The following DIPK2A variants were observed in gnomAD, a reference collection of about 807,000 sequenced individuals.
The protein encoded by DIPK2A is divergent protein kinase domain 2A.
A neutral mutation model predicts 39.0 loss-of-function variants in DIPK2A; 27 were observed. That is an observed-to-expected ratio of 0.69 (90% CI 0.51 to 0.96). The LOEUF is 0.96. Ranked by LOEUF, DIPK2A falls within the 40% of genes least tolerant of loss-of-function variation. The probability of loss-of-function intolerance (pLI) is 0.00; values close to 1 mark genes in which losing one functional copy is unlikely to be tolerated. For missense variants in DIPK2A, 528 were observed against 571.3 expected (o/e 0.92, Z 0.77); for synonymous variants, 298 against 240.8 (o/e 1.24, Z -2.20).
chr3:143,981,842 T>A (rs537108765), intron 1 of DIPK2A, among the ~76,000 whole-genome samples: 1 of 152,338 alleles, frequency 6.6e-6, no homozygotes, highest in East Asian at 1.9e-4. Flanking sequence ...CTAAATTTGC[T>A]TCTTACTACC....
At chr3:143,988,893 T>A (rs571522182) in intron 2 of DIPK2A, among the ~76,000 whole-genome samples, 94 of 152,212 alleles carry the variant, frequency 6.2e-4, no homozygotes, top group Non-Finnish European at 1.3e-3. Flanking sequence ...ATGATCTTAA[T>A]CCTTCCAATC....
At chr3:143,985,406 A>G in intron 1 of DIPK2A, 137 bp from the exon 2 acceptor site, 1 of 728,174 alleles carries the variant, frequency 1.4e-6, no homozygotes. Context: ...AAATGAAGTT[A>G]ATCTCTAATA....
intron 2 of DIPK2A, among the ~76,000 whole-genome samples, chr3:143,988,129 G>T (rs149694305): frequency 1.3e-5 from 2 of 151,434 alleles, no homozygotes; most frequent in African/African-American, 2.4e-5. Context: ...TTGAGACAGG[G>T]TCTCTGTCAC....
At chr3:143,989,136 T>C (rs1270696094) in intron 2 of DIPK2A, among the ~76,000 whole-genome samples, 1 of 152,202 alleles carries the variant, frequency 6.6e-6, no homozygotes, top group Non-Finnish European at 1.5e-5. Context: ...TTCAGATTTG[T>C]TTTCTTTTAA....
chr3:143,973,454 C>T, intron 1 of DIPK2A: 1 of 1,551,402 alleles, frequency 6.4e-7, no homozygotes, highest in African/African-American at 1.4e-5. Flanking sequence ...GCTGGCCTAA[C>T]TTCGGTCTCA....
At chr3:143,976,872 A>G (rs900644610) in intron 1 of DIPK2A, among the ~76,000 whole-genome samples, 2 of 152,064 alleles carry the variant, frequency 1.3e-5, no homozygotes, top group African/African-American at 4.8e-5. Context: ...TTCACGTAGT[A>G]TCTGGTAAAT....
chr3:143,976,584 G>GAGGGAGAA (rs3083098), intron 1 of DIPK2A, among the ~76,000 whole-genome samples: 1 of 139,512 alleles, frequency 7.2e-6, no homozygotes, highest in African/African-American at 2.8e-5. Flanking sequence ...GAGAGAGAGA[G>GAGGGAGAA]ATGCTGTCTG....
chr3:143,985,950 C>T (rs890546171), intron 2 of DIPK2A, 104 bp downstream of exon 2: 5 of 841,988 alleles, frequency 5.9e-6, no homozygotes, highest in Middle Eastern at 3.4e-4. Context: ...TAGATGGCAA[C>T]TTTAAGCGTC....
chr3:143,988,242 G>C (rs2087932925), intron 2 of DIPK2A, among the ~76,000 whole-genome samples: 1 of 152,008 alleles, frequency 6.6e-6, no homozygotes, highest in Non-Finnish European at 1.5e-5. Context: ...GGGACTACAG[G>C]CACATACCAC....
chr3:143,973,589 T>A, intron 1 of DIPK2A: 1 of 1,501,974 alleles, frequency 6.7e-7, no homozygotes, highest in Non-Finnish European at 9.1e-7. Context: ...AGCCGAGCTT[T>A]GGGTGGGATT....
In DIPK2A at chr3:143,985,746, C is replaced by T. The variant is rs145853659; in HGVS notation, c.861C>T (p.Asp287=). ...NDFEFALYLL[D]VSFDNFAVGP... Reference sequence around the variant, plus strand: ...TTGAATTTGCACTCTACCTCCTGGACGTCAGCTTTGACAATTTTGCAGTTG... The same window carrying T: ...TTGAATTTGCACTCTACCTCCTGGATGTCAGCTTTGACAATTTTGCAGTTG... Residue 287 remains aspartate, a synonymous_variant, in exon 2 of 3, where the codon GAC becomes GAT. Transcript: ENST00000315691. 274 of 1,613,956 alleles carry T rather than the reference C, an allele frequency of 1.7e-4. No homozygotes were observed. The highest frequency in any genetic ancestry group is 4.8e-5 in the Non-Finnish European group (57 of 1,179,940).
At chr3:143,989,140 C>T (rs2087946495) in intron 2 of DIPK2A, among the ~76,000 whole-genome samples, 1 of 152,138 alleles carries the variant, frequency 6.6e-6, no homozygotes, top group African/African-American at 2.4e-5. Context: ...GATTTGTTTT[C>T]TTTTAAGACC....
At chr3:143,976,685 T>C (rs1219613197) in intron 1 of DIPK2A, among the ~76,000 whole-genome samples, 1 of 151,944 alleles carries the variant, frequency 6.6e-6, no homozygotes, top group East Asian at 1.9e-4. Flanking sequence ...AAGCTCTTTG[T>C]TGTTTAGGGG....
intron 2 of DIPK2A, among the ~76,000 whole-genome samples, chr3:143,986,737 A>G (rs1242854855): frequency 1.3e-5 from 2 of 150,672 alleles, no homozygotes; most frequent in Non-Finnish European, 2.9e-5. Flanking sequence ...AAAAAAAAAA[A>G]AAAAGAAAAT....
At position 143,985,689 on chromosome 3, in the gene DIPK2A, G is replaced by A; in HGVS notation, c.804G>A (p.Met268Ile). 1 of 1,614,134 alleles carries A rather than the reference G, an allele frequency of 6.2e-7. No individual in the cohort carries two copies. Among genetic ancestry groups the A allele is most frequent in the Non-Finnish European group, 8.5e-7 (1 of 1,180,022 alleles). ...GAGTTGACCTCGCTTGGCAATTAAT[G>A]GAAATAGCAGAACAGCTTACAAACA... Reference protein sequence around the residue: ...EKRVDLAWQLMEIAEQLTNND... With the variant: ...EKRVDLAWQLIEIAEQLTNND... Residue 268 changes from methionine (M) to isoleucine (I), a missense_variant, in exon 2 of 3, where the codon ATG becomes ATA. Met to Ile is a conservative substitution (Grantham distance 10, BLOSUM62 1). Around this residue, in one of 2 missense-constraint regions of DIPK2A, gnomAD observed 219 missense variants for 281.5 expected, o/e 0.78. Coordinates refer to ENST00000315691, the MANE Select transcript of DIPK2A (RefSeq NM_173552.5).
chr3:143,984,303 G>C (rs1214646987), intron 1 of DIPK2A, among the ~76,000 whole-genome samples: 1 of 151,938 alleles, frequency 6.6e-6, no homozygotes, highest in African/African-American at 2.4e-5. Context: ...TCACAGCTTG[G>C]CTGTTTGGGT....
Position 143,972,223 on chromosome 3 carries a change from C to G in DIPK2A, c.-110C>G, listed in dbSNP as rs1420024350. 5 of 1,047,464 alleles carry G rather than the reference C, an allele frequency of 4.8e-6. No individual in the cohort carries two copies. In the African/African-American group the frequency reaches 6.8e-5, roughly 14 times the overall value. 64.9% of individuals were successfully genotyped at this position (1,047,464 alleles called of 1,614,324 possible). A position where few individuals can be genotyped will look rare whatever the true frequency, so the allele number is the denominator to read the frequency against. ...ACTCCGCCCTCCGCCCCAGCCCGCG[C>G]GCTAGCTCCTTCTCTCGCCCGGGGT... On this transcript the variant is annotated 5_prime_UTR_variant, in exon 1 of 3. Coordinates refer to ENST00000315691, the MANE Select transcript of DIPK2A (RefSeq NM_173552.5).
chr3:143,972,623 C>G lies in DIPK2A; in HGVS notation c.291C>G (p.Gly97=), dbSNP rs1442208654. Residue 97 remains glycine, a synonymous_variant, in exon 1 of 3, where the codon GGC becomes GGG. Coordinates refer to ENST00000315691, the MANE Select transcript of DIPK2A (RefSeq NM_173552.5). ...AGAACGTGTACTTCGCGCAGTACGG[C>G]GAGCCCCGCGAGGGCGGCCGCCGCC... The part of the protein sequence containing the change: ...NVKNVYFAQY[G]EPREGGRRRV... The G allele has an allele frequency of 4.3e-6, 7 of 1,611,740 alleles. No homozygotes were observed. The highest frequency in any genetic ancestry group is 5.9e-6 in the Non-Finnish European group (7 of 1,179,538).
rs2087675318 is a variant in DIPK2A at position 143,972,804 on chromosome 3, C to T, written c.472C>T (p.Pro158Ser). 5 of 1,565,172 alleles carry T rather than the reference C, an allele frequency of 3.2e-6. No individual in the cohort carries two copies. Among genetic ancestry groups the T allele is most frequent in the South Asian group, 2.3e-5 (2 of 86,430 alleles). ...RLNGDVRLLT[P>S]EAVEGWSDLV... ...CAACGGCGACGTGCGTCTGCTCACG[C>T]CCGAGGCGGTGGAGGGCTGGTCGGA... is the stretch of plus-strand genomic sequence containing the variant. The change falls in exon 1 of 3, where the codon CCC (proline) becomes TCC (serine). Residue 158 changes from proline to serine, a missense_variant. Pro to Ser is a moderately conservative substitution (Grantham distance 74). This residue lies in a region of DIPK2A where 309 missense variants were observed against 289.8 expected (regional missense o/e 1.07). Coordinates refer to ENST00000315691, the MANE Select transcript of DIPK2A (RefSeq NM_173552.5).
Sources: gnomAD v4.1 joint callset for allele counts (sites outside exome capture counted in the v4.1 genomes callset) on GRCh38, gnomAD v4.1.1 for gene constraint, gnomAD v4.1.1 regional missense constraint, MANE v1.5 for transcripts, NCBI Gene and HGNC (gene_info 2026-07-23, HGNC 2026-07-21) for gene names.